The following FREM2 variants were observed in gnomAD, a reference collection of about 807,000 sequenced individuals.
FREM2 encodes the protein FRAS1 related extracellular matrix 2, also known as FRAS1-related extracellular matrix protein 2.
A neutral mutation model predicts 219.9 loss-of-function variants in FREM2; 119 were observed. The observed-to-expected ratio is 0.54, with a 90% CI of 0.47 to 0.63. The LOEUF is 0.63. Ranked by LOEUF, FREM2 falls within the 30% of genes least tolerant of loss-of-function variation. FREM2 has a pLI of 0.00. For missense variants in FREM2, 4,030 were observed against 3,993.6 expected (o/e 1.01, Z -0.25); for synonymous variants, 1,562 against 1,522.8 (o/e 1.03, Z -0.60).
At chr13:38,823,459 C>T (rs902945520) in intron 6 of FREM2, among the ~76,000 whole-genome samples, 1 of 151,962 alleles carries the variant, frequency 6.6e-6, no homozygotes, top group Non-Finnish European at 1.5e-5. Flanking sequence ...CATGGCCTGG[C>T]CATGGCTCCC....
intron 6 of FREM2, chr13:38,821,575 CT>C (rs1420694733): frequency 6.6e-6 from 1 of 151,894 alleles, no homozygotes; most frequent in African/African-American, 2.4e-5. Flanking sequence ...AGAAACAGGT[CT>C]TTTTTCTGTC....
At position 38,860,334 on chromosome 13, in the gene FREM2, G is replaced by A. The variant is rs141889150; in HGVS notation, c.7519+744G>A. ...GGGATGGAGAATAGGATGTGGCTGG[G>A]GACAACATTGGAAAGACAGGAAATC... On this transcript the variant is annotated intron_variant, in intron 14 of 23. Transcript: ENST00000280481. 9.2e-3 allele frequency among the ~76,000 whole-genome samples: 1,394 copies of A among 152,132 alleles called. 21 individuals are homozygous for A. The highest frequency in any genetic ancestry group is 0.032 in the African/African-American group (1,315 of 41,490).
rs1185412279 is a variant in FREM2 at position 38,880,436 on chromosome 13, A to G, written c.9159A>G (p.Arg3053=). The G allele has an allele frequency of 1.2e-6, 2 of 1,613,934 alleles. No homozygotes were observed. Among genetic ancestry groups the G allele is most frequent in the Non-Finnish European group, 1.7e-6 (2 of 1,180,018 alleles). ...PQSTTKSRKK[R]EIRSTPSLAW... ...CCACCACCAAGAGCCGGAAGAAGAG[A>G]GAGATCAGGAGCACACCCTCACTGG... The change falls in exon 24 of 24, where the codon AGA becomes AGG. Residue 3053 remains arginine (R), a synonymous_variant. Transcript: ENST00000280481.
At chr13:38,807,710 G>C (rs941819405) in intron 6 of FREM2, among the ~76,000 whole-genome samples, 64 of 151,898 alleles carry the variant, frequency 4.2e-4, no homozygotes, top group African/African-American at 1.5e-3. Flanking sequence ...TCAATGGTCA[G>C]CTTAAAATAT....
At chr13:38,826,893 C>T (rs1025223218) in intron 6 of FREM2, among the ~76,000 whole-genome samples, 2 of 151,916 alleles carry the variant, frequency 1.3e-5, no homozygotes, top group African/African-American at 4.8e-5. Context: ...ATTTTATTTC[C>T]CTCTTCCTAG....
intron 2 of FREM2, among the ~76,000 whole-genome samples, chr13:38,750,036 G>C (rs1371614931): frequency 6.6e-6 from 1 of 152,132 alleles, no homozygotes; most frequent in Non-Finnish European, 1.5e-5. Flanking sequence ...GAAAGGGGTA[G>C]GGCCTAACTT....
chr13:38,835,626 A>G lies in FREM2; in HGVS notation c.6020-10947A>G, dbSNP rs577599306. On this transcript the variant is annotated intron_variant, in intron 6 of 23. Transcript: ENST00000280481. ...TGTGTCCTCTCTTAGGTCCTTGAGC[A>G]GTGGTTTGTAGTTCTCCTTGAAGAG... 2.0e-5 allele frequency among the ~76,000 whole-genome samples: 3 copies of G among 152,328 alleles called. No individual in the cohort carries two copies. In the East Asian group the frequency reaches 5.8e-4, roughly 29 times the overall value.
chr13:38,742,449 G>A (rs1251726457), intron 2 of FREM2, among the ~76,000 whole-genome samples: 1 of 152,142 alleles, frequency 6.6e-6, no homozygotes, highest in Non-Finnish European at 1.5e-5. Context: ...GAGCTCCCTG[G>A]CAGTATCGAT....
intron 4 of FREM2, 68 bp downstream of exon 4, chr13:38,769,876 G>T (rs756656228): frequency 8.6e-5 from 96 of 1,118,810 alleles, no homozygotes; most frequent in Non-Finnish European, 1.3e-4. Flanking sequence ...CCTTGTAGGG[G>T]TATAGCTTAC....
At chr13:38,744,480 A>G (rs942921791) in intron 2 of FREM2, among the ~76,000 whole-genome samples, 2 of 151,462 alleles carry the variant, frequency 1.3e-5, no homozygotes, top group Non-Finnish European at 2.9e-5. Context: ...AAAGGCTCCA[A>G]TTATTTTATT....
At position 38,769,589 on chromosome 13, in the gene FREM2, A is replaced by G. The variant is rs756417385; in HGVS notation, c.5422A>G (p.Arg1808Gly). 83 of 1,613,572 alleles carry G rather than the reference A, an allele frequency of 5.1e-5. No homozygotes were observed. The highest frequency in any genetic ancestry group is 6.7e-5 in the Non-Finnish European group (79 of 1,179,618). Residue 1808 changes from arginine to glycine, a missense_variant, in exon 4 of 24, where the codon AGA becomes GGA. By Grantham distance (125) the Arg-to-Gly change is moderately radical. Coordinates refer to ENST00000280481, the MANE Select transcript of FREM2 (RefSeq NM_207361.6). ...ATGTTTTTGTGAAGGTATTGGCACA[A>G]GAGACAGAACTGCAGAAAAAGACAA... ...GETSFISIGT[R>G]DRTAEKDKDF...
At chr13:38,761,680 C>T (rs1472638877) in intron 2 of FREM2, among the ~76,000 whole-genome samples, 1 of 152,104 alleles carries the variant, frequency 6.6e-6, no homozygotes, top group African/African-American at 2.4e-5. Flanking sequence ...TGCAGAACCA[C>T]AAAGACATGA....
intron 3 of FREM2, among the ~76,000 whole-genome samples, chr13:38,764,676 A>G (rs899594605): frequency 2.0e-5 from 3 of 152,202 alleles, no homozygotes; most frequent in East Asian, 3.9e-4. Context: ...TGGCAGGAAC[A>G]CTAATAAGTT....
chr13:38,770,116 T>C (rs1239400527), intron 4 of FREM2, among the ~76,000 whole-genome samples: 1 of 147,928 alleles, frequency 6.8e-6, no homozygotes, highest in Non-Finnish European at 1.5e-5. Flanking sequence ...AATTTTCATA[T>C]TACCAGAAAA....
intron 2 of FREM2, among the ~76,000 whole-genome samples, chr13:38,717,975 T>G (rs1189712101): frequency 1.3e-5 from 2 of 152,338 alleles, no homozygotes; most frequent in South Asian, 4.1e-4. Context: ...ATGCTCATTA[T>G]AAGAGAAATA....
At chr13:38,776,186 T>G (rs1210998312) in intron 4 of FREM2, among the ~76,000 whole-genome samples, 1 of 152,220 alleles carries the variant, frequency 6.6e-6, no homozygotes, top group Non-Finnish European at 1.5e-5. Context: ...CAATGCCACT[T>G]GTTGGCCAGT....
rs551903061 is a variant in FREM2, at chr13:38,723,749, A to G, written c.5263+25962A>G. ...TCAAGAAGGGTACTAGCTATGTACC[A>G]TTTAGAAAATAATCACTGAAATCGC... is the stretch of plus-strand genomic sequence containing the variant. On this transcript the variant is annotated intron_variant, in intron 2 of 23. Transcript: ENST00000280481. Among the ~76,000 whole-genome samples, 77 of 152,358 alleles carry G rather than the reference A, an allele frequency of 5.1e-4. 1 individual carries two copies. Among genetic ancestry groups the G allele is most frequent in the Non-Finnish European group, 9.8e-4 (67 of 68,038 alleles).
chr13:38,741,059 A>G (rs1872221824), intron 2 of FREM2, among the ~76,000 whole-genome samples: 2 of 152,216 alleles, frequency 1.3e-5, no homozygotes, highest in African/African-American at 2.4e-5. Context: ...TTAAATCCTT[A>G]CCCTATAAGG....
Position 38,691,753 on chromosome 13 carries a change from A to C in FREM2, c.4409A>C (p.Glu1470Ala), listed in dbSNP as rs145556310. ...AGGGCTCCCATGCGAGGTCACCTGG[A>C]ATGCACGGATCAGCCTGGTGTGTCC... ...ITRAPMRGHL[E>A]CTDQPGVSIT... Residue 1470 changes from glutamate to alanine, a missense_variant, in exon 1 of 24, where the codon GAA becomes GCA. By Grantham distance (107) the Glu-to-Ala change is moderately radical (BLOSUM62 -1). This residue lies in a region of FREM2 where 3,102 missense variants were observed against 2,950.7 expected (regional missense o/e 1.05). Coordinates refer to ENST00000280481, the MANE Select transcript of FREM2 (RefSeq NM_207361.6). The C allele has an allele frequency of 1.2e-6, 2 of 1,613,986 alleles. No individual in the cohort carries two copies. The highest frequency in any genetic ancestry group is 1.7e-6 in the Non-Finnish European group (2 of 1,179,996).
Sources: allele counts gnomAD v4.1 joint callset (sites outside exome capture counted in the v4.1 genomes callset), GRCh38; gene constraint gnomAD v4.1.1; regional missense constraint gnomAD v4.1.1; transcripts MANE v1.5; gene names NCBI Gene and HGNC (gene_info 2026-07-23, HGNC 2026-07-21).